SNX10: variants seen among roughly 807,000 people sequenced by gnomAD.
SNX10 encodes sorting nexin 10.
In SNX10, 25 loss-of-function variants were observed where a neutral mutation model predicts 28.5. The ratio of observed to expected loss-of-function variants is 0.88; its 90% confidence interval spans 0.64 to 1.22. The LOEUF (loss-of-function observed/expected upper bound fraction) is 1.22, where lower values mean the gene tolerates loss of function less well. Among genes scored for constraint, SNX10 ranks in the 50% most tolerant of loss-of-function variants. The probability of loss-of-function intolerance (pLI) is 0.00; values close to 1 mark genes in which losing one functional copy is unlikely to be tolerated. For missense variants in SNX10, 223 were observed against 242.6 expected (o/e 0.92, Z 0.54); for synonymous variants, 62 against 81.4 (o/e 0.76, Z 1.28).
At chr7:26,349,600 G>C (rs140859068) in intron 2 of SNX10, among the ~76,000 whole-genome samples, 1 of 152,210 alleles carries the variant, frequency 6.6e-6, no homozygotes, top group East Asian at 1.9e-4. Flanking sequence ...ATTCATGCAT[G>C]CAACTTTAAT....
At chr7:26,361,145 G>GT in intron 3 of SNX10, 84 bp downstream of exon 3, 1 of 1,367,694 alleles carries the variant, frequency 7.3e-7, no homozygotes. Flanking sequence ...ACTTGTAAAA[G>GT]TTTTTCTCAT....
intron 1 of SNX10, among the ~76,000 whole-genome samples, chr7:26,334,902 G>A (rs1787862432): frequency 6.6e-6 from 1 of 152,214 alleles, no homozygotes; most frequent in African/African-American, 2.4e-5. Context: ...GGCCTGGTTT[G>A]CAGATGGTTC....
At chr7:26,300,380 AC>A (rs1243467818) in intron 1 of SNX10, among the ~76,000 whole-genome samples, 2 of 152,142 alleles carry the variant, frequency 1.3e-5, no homozygotes, top group Non-Finnish European at 2.9e-5. Flanking sequence ...GGCATGAGCC[AC>A]TACATCTAGC....
chr7:26,364,607 C>T lies in SNX10; in HGVS notation c.184C>T (p.Gln62Ter). 1.2e-6 allele frequency: 2 copies of T among 1,613,660 alleles called. No homozygotes were observed. The highest frequency in any genetic ancestry group is 1.7e-6 in the Non-Finnish European group (2 of 1,179,626). ...RRYREFVWLR[Q>*]RLQSNALLVQ... ...ATATAGAGAATTCGTGTGGCTGAGGCAGAGACTCCAAAGTAATGCGTTGCT... is the reference window on the plus strand; with the variant it reads ...ATATAGAGAATTCGTGTGGCTGAGGTAGAGACTCCAAAGTAATGCGTTGCT... Residue 62 changes from glutamine to a stop codon, truncating the protein, a stop_gained, in exon 4 of 7, where the codon CAG becomes TAG. Transcript: ENST00000338523. LOFTEE classifies it high-confidence loss of function. This position sits in a 1 kb window ranked among gnomAD's most constrained non-coding sequence, Gnocchi z 4.9.
chr7:26,342,965 A>G (rs2128010386), intron 1 of SNX10, among the ~76,000 whole-genome samples: 1 of 152,154 alleles, frequency 6.6e-6, no homozygotes, highest in African/African-American at 2.4e-5. Context: ...GCATGCTATC[A>G]TGCCCAGCTA....
At chr7:26,371,275 T>A (rs2128028953) in intron 5 of SNX10, among the ~76,000 whole-genome samples, 1 of 152,220 alleles carries the variant, frequency 6.6e-6, no homozygotes, top group South Asian at 2.1e-4. Flanking sequence ...ACAGTTAACC[T>A]TAAGTATTAA....
intron 1 of SNX10, among the ~76,000 whole-genome samples, chr7:26,329,608 T>C (rs1787646866): frequency 6.6e-6 from 1 of 151,596 alleles, no homozygotes; most frequent in South Asian, 2.1e-4. Flanking sequence ...CAACAAGCGT[T>C]AGTTTGCTTA....
At chr7:26,323,942 A>G (rs147585801) in intron 1 of SNX10, among the ~76,000 whole-genome samples, 1 of 152,362 alleles carries the variant, frequency 6.6e-6, no homozygotes, top group African/African-American at 2.4e-5. Context: ...CAGTTGGTTT[A>G]GAATGCAACA....
chr7:26,362,964 G>A (rs1789139353), intron 3 of SNX10, among the ~76,000 whole-genome samples: 1 of 152,184 alleles, frequency 6.6e-6, no homozygotes, highest in Non-Finnish European at 1.5e-5. Context: ...AGAAATTAAA[G>A]GGAATTTAAA....
Position 26,371,922 on chromosome 7 carries a change from CTAAG to C in SNX10, c.416_419del (p.Lys139ThrfsTer12). The C allele has an allele frequency of 6.2e-7, 1 of 1,613,416 alleles. No individual in the cohort carries two copies. Among genetic ancestry groups the C allele is most frequent in the Non-Finnish European group, 8.5e-7 (1 of 1,179,620 alleles). ...ATTGAGGCGTGTGTTTCTGGGCAGA[CTAAG>C]TACTCTGTGGAAGAAGCAATTCACA... On this transcript the variant is annotated frameshift_variant, in exon 6 of 7. Transcript: ENST00000338523. LOFTEE classifies it high-confidence loss of function.
In SNX10 at chr7:26,333,767, C is replaced by G. The variant is rs188423567; in HGVS notation, c.-23-12653C>G. Among the ~76,000 whole-genome samples the G allele has an allele frequency of 2.0e-5, 3 of 152,230 alleles. No individual in the cohort carries two copies. In the East Asian group the frequency reaches 5.8e-4, roughly 29 times the overall value. ...AGGAGAGAGGGCAGGGCATTTTCTG[C>G]TGTTCTTCAGGAGGTTGTGTTCTCA... On this transcript the variant is annotated intron_variant, in intron 1 of 6. Transcript: ENST00000338523.
At chr7:26,316,439 C>T (rs1434917566) in intron 1 of SNX10, among the ~76,000 whole-genome samples, 1 of 152,158 alleles carries the variant, frequency 6.6e-6, no homozygotes, top group Non-Finnish European at 1.5e-5. Context: ...GGAAAGAAAG[C>T]ACCTGTTCCT....
chr7:26,320,530 C>T (rs913131578), intron 1 of SNX10, among the ~76,000 whole-genome samples: 2 of 151,898 alleles, frequency 1.3e-5, no homozygotes, highest in Non-Finnish European at 2.9e-5. Flanking sequence ...TTCCCGGGTC[C>T]AAGTGATTTC....
intron 1 of SNX10, among the ~76,000 whole-genome samples, chr7:26,311,010 C>G (rs148766724): frequency 0.011 from 1,648 of 152,140 alleles, 27 homozygotes; most frequent in African/African-American, 0.034. Flanking sequence ...ATAGTCTGGT[C>G]TCTGTGAAAA....
At chr7:26,329,718 A>C (rs1011112222) in intron 1 of SNX10, among the ~76,000 whole-genome samples, 1 of 152,206 alleles carries the variant, frequency 6.6e-6, no homozygotes, top group African/African-American at 2.4e-5. Context: ...CAATGATCAC[A>C]GCGTTACAAA....
chr7:26,293,920 TG>T (rs1786017184), intron 1 of SNX10, among the ~76,000 whole-genome samples: 1 of 152,260 alleles, frequency 6.6e-6, no homozygotes, highest in Admixed American at 6.5e-5. Context: ...GCAATTCTGC[TG>T]GGCTTTGGAG....
intron 1 of SNX10, among the ~76,000 whole-genome samples, chr7:26,339,818 A>G (rs1788112456): frequency 6.7e-6 from 1 of 148,972 alleles, no homozygotes; most frequent in Non-Finnish European, 1.5e-5. Context: ...AAGTACTGGG[A>G]TTACAGGCGT....
chr7:26,331,472 G>T (rs1787745838), intron 1 of SNX10, among the ~76,000 whole-genome samples: 1 of 152,080 alleles, frequency 6.6e-6, no homozygotes, highest in African/African-American at 2.4e-5. Context: ...TGTAGCCCCT[G>T]CAACTTGAGG....
intron 2 of SNX10, among the ~76,000 whole-genome samples, chr7:26,354,690 G>GTTT (rs68112310): frequency 3.2e-5 from 3 of 93,064 alleles, no homozygotes; most frequent in African/African-American, 9.4e-5. Flanking sequence ...TGATAGTTTT[G>GTTT]TTTTTTTTTA....
Sources: allele counts gnomAD v4.1 joint callset (sites outside exome capture counted in the v4.1 genomes callset), GRCh38; gene constraint gnomAD v4.1.1; non-coding constraint Gnocchi (gnomAD v3.1); transcripts MANE v1.5; gene names NCBI Gene and HGNC (gene_info 2026-07-23, HGNC 2026-07-21).